The following EIF4G3 variants were observed in gnomAD, a reference collection of about 807,000 sequenced individuals.
EIF4G3 encodes the protein eIF-4-gamma 3.
A neutral mutation model predicts 186.4 loss-of-function variants in EIF4G3; 34 were observed. That is an observed-to-expected ratio of 0.18 (90% CI 0.14 to 0.24). The LOEUF (loss-of-function observed/expected upper bound fraction) is 0.24, where lower values mean the gene tolerates loss of function less well. Among genes scored for constraint, EIF4G3 ranks in the 10% least tolerant of loss-of-function variants. EIF4G3 has a pLI of 1.00. For synonymous variants in EIF4G3, 673 were observed against 679.5 expected (o/e 0.99, Z 0.15); for missense variants, 1,536 against 1,948.5 (o/e 0.79, Z 3.99).
intron 6 of EIF4G3, among the ~76,000 whole-genome samples, chr1:20,999,908 C>G (rs911958857): frequency 6.6e-6 from 1 of 151,864 alleles, no homozygotes; most frequent in Non-Finnish European, 1.5e-5. Context: ...AGGAAAGCAG[C>G]CTTCTGTGAA....
intron 9 of EIF4G3, 51 bp downstream of exon 9, chr1:20,980,997 G>A: frequency 7.2e-7 from 1 of 1,398,326 alleles, no homozygotes; most frequent in Non-Finnish European, 9.5e-7. Flanking sequence ...TGTGAATCCG[G>A]GTTAATTTCC....
chr1:21,050,226 G>C (rs957657493), intron 4 of EIF4G3, among the ~76,000 whole-genome samples: 2 of 152,180 alleles, frequency 1.3e-5, no homozygotes, highest in Non-Finnish European at 2.9e-5. Context: ...AAACAAGCTT[G>C]CAACAGTAGG....
intron 13 of EIF4G3, among the ~76,000 whole-genome samples, chr1:20,944,097 T>A (rs2095843493): frequency 6.6e-6 from 1 of 151,484 alleles, no homozygotes. Flanking sequence ...TATCAAAATA[T>A]CTTTGATGAA....
At chr1:20,920,519 G>C (rs1165530329) in intron 14 of EIF4G3, among the ~76,000 whole-genome samples, 1 of 152,140 alleles carries the variant, frequency 6.6e-6, no homozygotes, top group Non-Finnish European at 1.5e-5. Flanking sequence ...CTTGTTCTCT[G>C]CTTTTAAGTG....
intron 2 of EIF4G3, among the ~76,000 whole-genome samples, chr1:21,163,072 A>G (rs1259442708): frequency 6.6e-6 from 1 of 152,166 alleles, no homozygotes; most frequent in Non-Finnish European, 1.5e-5. Flanking sequence ...TTTCAAAGAC[A>G]CTTCTTTTTA....
At chr1:21,127,480 T>C (rs2097068620) in intron 2 of EIF4G3, among the ~76,000 whole-genome samples, 1 of 152,190 alleles carries the variant, frequency 6.6e-6, no homozygotes, top group South Asian at 2.1e-4. Context: ...TGTGAAAAAA[T>C]GACTTGTTTT....
intron 3 of EIF4G3, among the ~76,000 whole-genome samples, chr1:21,085,994 A>G (rs1358840519): frequency 1.3e-5 from 2 of 152,030 alleles, no homozygotes; most frequent in Non-Finnish European, 2.9e-5. Flanking sequence ...GCCTGGCCCA[A>G]AGGTTATTTT....
At chr1:21,050,375 C>T (rs2094139017) in intron 4 of EIF4G3, among the ~76,000 whole-genome samples, 1 of 152,192 alleles carries the variant, frequency 6.6e-6, no homozygotes, top group African/African-American at 2.4e-5. Flanking sequence ...ATTCTTCTAA[C>T]AGTTCAACAA....
At chr1:21,128,616 C>T (rs899527907) in intron 2 of EIF4G3, among the ~76,000 whole-genome samples, 3 of 152,200 alleles carry the variant, frequency 2.0e-5, no homozygotes, top group Non-Finnish European at 4.4e-5. Flanking sequence ...TATCCAGGTT[C>T]TTTGGCCTTC....
In EIF4G3 at chr1:20,857,488, C is replaced by T. The variant is rs2075298943; in HGVS notation, c.3254G>A (p.Arg1085Lys). The T allele has an allele frequency of 1.2e-6, 2 of 1,613,876 alleles. No individual in the cohort carries two copies. The highest frequency in any genetic ancestry group is 1.3e-5 in the African/African-American group (1 of 74,898). ...AGTGTTCCACCCACCTTCGTCCACTCTCTGGACACCTGCAGGGAGAACAGA... is the reference window on the plus strand; with the variant it reads ...AGTGTTCCACCCACCTTCGTCCACTTTCTGGACACCTGCAGGGAGAACAGA... ...TKEKRRPGVQ[R>K]VDEGGWNTVQ... Residue 1085 changes from arginine (R) to lysine (K), a missense_variant, in exon 25 of 37, where the codon AGA (arginine) becomes AAA (lysine). Physicochemically the swap from Arg to Lys is conservative, Grantham distance 26. Coordinates refer to ENST00000602326, the MANE Select transcript of EIF4G3 (RefSeq NM_001391906.1).
At position 20,807,199 on chromosome 1, in the gene EIF4G3, G is replaced by A. The variant is rs2058231067; in HGVS notation, c.*120C>T. 2.5e-6 allele frequency: 2 copies of A among 804,524 alleles called. No homozygotes were observed. The highest frequency in any genetic ancestry group is 2.8e-5 in the Admixed American group (1 of 35,448). 49.8% of individuals were successfully genotyped at this position (804,524 alleles called of 1,614,324 possible). A position where few individuals can be genotyped will look rare whatever the true frequency, so the allele number is the denominator to read the frequency against. On this transcript the variant is annotated 3_prime_UTR_variant, in exon 37 of 37. Transcript: ENST00000602326. ...TTTTTCTCTTTCCCCTCTCCCACTC[G>A]TGCACACGTGGGGGTTTCTGCGAGA...
intron 2 of EIF4G3, among the ~76,000 whole-genome samples, chr1:21,163,260 C>T (rs2097794661): frequency 6.6e-6 from 1 of 152,300 alleles, no homozygotes; most frequent in South Asian, 2.1e-4. Context: ...CACTCAGTCA[C>T]ACAATATAAA....
In EIF4G3 at chr1:21,050,911, A is replaced by C; in HGVS notation, c.-112T>G. On this transcript the variant is annotated 5_prime_UTR_variant, in exon 4 of 37. Transcript: ENST00000602326. Reference sequence around the variant, plus strand: ...ATGCATGTCCCGGGGGCGTTGCCGCAAGATTTGGATGCCCCTTGTTTATTT... The same window carrying C: ...ATGCATGTCCCGGGGGCGTTGCCGCCAGATTTGGATGCCCCTTGTTTATTT... 1.4e-6 allele frequency: 1 copy of C among 714,234 alleles called. No individual in the cohort carries two copies. The highest frequency in any genetic ancestry group is 1.5e-5 in the South Asian group (1 of 66,798). The allele number at this position is 714,234 out of a possible 1,614,324, so 44.2% of individuals were successfully genotyped here. A position where few individuals can be genotyped will look rare whatever the true frequency, so the allele number is the denominator to read the frequency against.
chr1:20,952,654 G>A (rs558834068), intron 12 of EIF4G3, among the ~76,000 whole-genome samples: 1 of 152,270 alleles, frequency 6.6e-6, no homozygotes, highest in African/African-American at 2.4e-5. Flanking sequence ...TTCGAGATCA[G>A]CCTGGCCAAC....
At chr1:21,175,985 T>TG (rs759882312) in intron 2 of EIF4G3, 190 bp downstream of exon 2, 1 of 260,058 alleles carries the variant, frequency 3.8e-6, no homozygotes, top group African/African-American at 2.3e-5. Context: ...GCAGAGGGTC[T>TG]GGGGGTCCCC....
At chr1:21,163,975 T>C (rs1368057233) in intron 2 of EIF4G3, among the ~76,000 whole-genome samples, 2 of 152,088 alleles carry the variant, frequency 1.3e-5, no homozygotes, top group African/African-American at 2.4e-5. Flanking sequence ...GGTTTCTCCA[T>C]GTCGGCCAGG....
In EIF4G3 at chr1:20,941,911, T is replaced by C. The variant is rs1170557009; in HGVS notation, c.1243A>G (p.Ile415Val). Residue 415 changes from isoleucine to valine, a missense_variant, in exon 14 of 37, where the codon ATA (isoleucine) becomes GTA (valine). Physicochemically the swap from Ile to Val is conservative, Grantham distance 29. This residue lies in a region of EIF4G3 where 560 missense variants were observed against 547.8 expected (regional missense o/e 1.02). Transcript: ENST00000602326. ...GATAATTTTTCGCTAACTCCATTTA[T>C]TTCATTAATTAGGTTAGTACTAGAA... ...LVSSTNLINE[I>V]NGVSEKLSAT... The C allele has an allele frequency of 1.9e-6, 3 of 1,614,082 alleles. No individual in the cohort carries two copies. In the African/African-American group the frequency reaches 4.0e-5, roughly 22 times the overall value.
chr1:20,927,948 C>G (rs1035115382), intron 14 of EIF4G3, among the ~76,000 whole-genome samples: 10 of 152,032 alleles, frequency 6.6e-5, no homozygotes, highest in African/African-American at 2.4e-4. Flanking sequence ...GCCTCAATCT[C>G]AAAGGCTCAA....
intron 24 of EIF4G3, among the ~76,000 whole-genome samples, chr1:20,858,031 T>C (rs947019294): frequency 1.7e-4 from 26 of 152,308 alleles, no homozygotes; most frequent in African/African-American, 6.0e-4. Flanking sequence ...ATTCAGAATC[T>C]ACTACCAACA....
Sources: allele counts gnomAD v4.1 joint callset (sites outside exome capture counted in the v4.1 genomes callset), GRCh38; gene constraint gnomAD v4.1.1; regional missense constraint gnomAD v4.1.1; transcripts MANE v1.5; gene names NCBI Gene and HGNC (gene_info 2026-07-23, HGNC 2026-07-21).